The following BMPR1B variants were observed in gnomAD, a reference collection of about 807,000 sequenced individuals.
BMPR1B encodes the protein bone morphogenetic protein receptor type-1B.
A neutral mutation model predicts 59.1 loss-of-function variants in BMPR1B; 12 were observed. That is an observed-to-expected ratio of 0.20 (90% confidence interval 0.13 to 0.33). The LOEUF (loss-of-function observed/expected upper bound fraction) is 0.33, where lower values mean the gene tolerates loss of function less well. Among genes scored for constraint, BMPR1B ranks in the 10% least tolerant of loss-of-function variants. The pLI, the probability that BMPR1B is intolerant of heterozygous loss-of-function variation, is 1.00. For synonymous variants in BMPR1B, 237 were observed against 207.3 expected (o/e 1.14, Z -1.23); for missense variants, 550 against 610.9 (o/e 0.90, Z 1.05).
At chr4:94,834,816 T>G (rs28604506) in intron 1 of BMPR1B, among the ~76,000 whole-genome samples, 18,354 of 152,144 alleles carry the variant, frequency 0.12, 1,156 homozygotes, top group Non-Finnish European at 0.13. Context: ...CAGTGCCTAC[T>G]TTAGGTATTT....
chr4:94,878,014 G>C (rs1241176676), intron 2 of BMPR1B, among the ~76,000 whole-genome samples: 1 of 151,726 alleles, frequency 6.6e-6, no homozygotes, highest in Non-Finnish European at 1.5e-5. Flanking sequence ...ATTGATGAAT[G>C]GTCTTATAAA....
rs1735406218 is a variant in BMPR1B at position 95,156,156 on chromosome 4, G to A, written c.*1483G>A. On this transcript the variant is annotated 3_prime_UTR_variant, in exon 13 of 13. Transcript: ENST00000515059. The stretch of plus-strand genomic sequence containing the variant: ...TTGGAGCAACATGAATAAAATCATC[G>A]AGAAGGCCAATATTGTTTAGCAACA... The A allele has an allele frequency of 6.6e-6, 1 of 151,968 alleles. No homozygotes were observed. Among genetic ancestry groups the A allele is most frequent in the South Asian group, 2.1e-4 (1 of 4,820 alleles). The allele number at this position is 151,968 out of a possible 1,614,324, so 9.4% of individuals were successfully genotyped here.
intron 2 of BMPR1B, among the ~76,000 whole-genome samples, chr4:94,928,442 T>TA (rs1163973501): frequency 6.6e-6 from 1 of 152,112 alleles, no homozygotes; most frequent in African/African-American, 2.4e-5. Context: ...GCAGATCAGT[T>TA]ACATTTTCAT....
At chr4:94,913,893 A>C (rs1728381530) in intron 2 of BMPR1B, among the ~76,000 whole-genome samples, 1 of 152,188 alleles carries the variant, frequency 6.6e-6, no homozygotes, top group Admixed American at 6.5e-5. Flanking sequence ...GAACTGAATT[A>C]TTATTTAATT....
At chr4:94,795,984 A>AG (rs1467255629) in intron 1 of BMPR1B, among the ~76,000 whole-genome samples, 3 of 136,990 alleles carry the variant, frequency 2.2e-5, no homozygotes, top group Non-Finnish European at 4.7e-5. Context: ...TTTTTTTTTG[A>AG]GATGGAGTCT....
chr4:94,984,721 A>G (rs1222403162), intron 2 of BMPR1B, among the ~76,000 whole-genome samples: 1 of 152,160 alleles, frequency 6.6e-6, no homozygotes, highest in Non-Finnish European at 1.5e-5. Context: ...AGGTTCCCAA[A>G]GTCCTTGTGA....
chr4:94,839,874 G>A (rs1186904427), intron 1 of BMPR1B, among the ~76,000 whole-genome samples: 2 of 151,250 alleles, frequency 1.3e-5, no homozygotes, highest in Non-Finnish European at 3.0e-5. Flanking sequence ...TTTACATTTT[G>A]GCATGATTTT....
At chr4:94,954,350 AGACT>A (rs1730062259) in intron 2 of BMPR1B, among the ~76,000 whole-genome samples, 1 of 152,208 alleles carries the variant, frequency 6.6e-6, no homozygotes, top group African/African-American at 2.4e-5. Context: ...GAAAAGAGTG[AGACT>A]GACTGCATTT....
At chr4:95,112,900 C>T (rs560236471) in intron 4 of BMPR1B, among the ~76,000 whole-genome samples, 82 of 152,070 alleles carry the variant, frequency 5.4e-4, no homozygotes, top group African/African-American at 1.9e-3. Context: ...TAAGAAGAAC[C>T]CATGATAAGG....
intron 3 of BMPR1B, among the ~76,000 whole-genome samples, chr4:95,000,379 TG>T (rs1014965086): frequency 1.8e-4 from 27 of 152,030 alleles, no homozygotes; most frequent in African/African-American, 6.5e-4. Context: ...AACTATCCTG[TG>T]TTAAAAAATA....
intron 3 of BMPR1B, among the ~76,000 whole-genome samples, chr4:95,053,510 A>G (rs1485630069): frequency 2.0e-5 from 3 of 152,122 alleles, no homozygotes; most frequent in Admixed American, 1.3e-4. Flanking sequence ...TATATTTACT[A>G]TCAATTTGAC....
intron 10 of BMPR1B, among the ~76,000 whole-genome samples, chr4:95,133,498 C>T (rs1311870137): frequency 6.6e-6 from 1 of 152,178 alleles, no homozygotes; most frequent in African/African-American, 2.4e-5. Context: ...TTTATCATTA[C>T]CCGAACACCC....
chr4:95,142,346 G>A (rs188815122), intron 10 of BMPR1B, among the ~76,000 whole-genome samples: 3 of 152,212 alleles, frequency 2.0e-5, no homozygotes, highest in Admixed American at 2.0e-4. Context: ...GCTGAGAGAG[G>A]ATTTAACATC....
intron 1 of BMPR1B, among the ~76,000 whole-genome samples, chr4:94,799,397 G>A (rs919764630): frequency 6.6e-6 from 1 of 150,838 alleles, no homozygotes; most frequent in East Asian, 2.0e-4. Flanking sequence ...TCCGCCTCCC[G>A]GGTTCAAGTG....
At chr4:94,962,283 G>A (rs540332844) in intron 2 of BMPR1B, among the ~76,000 whole-genome samples, 15 of 152,000 alleles carry the variant, frequency 9.9e-5, no homozygotes, top group South Asian at 4.2e-4. Flanking sequence ...GACTACAGGC[G>A]TGTGCCACCA....
chr4:94,781,913 C>T (rs542879603), intron 1 of BMPR1B, among the ~76,000 whole-genome samples: 1 of 152,068 alleles, frequency 6.6e-6, no homozygotes, highest in Admixed American at 6.5e-5. Flanking sequence ...TATTTATATG[C>T]TCTCAAAATA....
At chr4:94,786,753 C>T (rs1481658969) in intron 1 of BMPR1B, among the ~76,000 whole-genome samples, 5 of 152,032 alleles carry the variant, frequency 3.3e-5, no homozygotes, top group African/African-American at 4.8e-5. Context: ...ACCGTGTTAG[C>T]CAGGATAGTC....
chr4:95,067,596 A>G (rs1269349521), intron 3 of BMPR1B, among the ~76,000 whole-genome samples: 4 of 152,222 alleles, frequency 2.6e-5, no homozygotes, highest in African/African-American at 9.6e-5. Flanking sequence ...TTAACAAAAT[A>G]TGTCATTTAG....
At chr4:94,976,218 G>A (rs6846665) in intron 2 of BMPR1B, among the ~76,000 whole-genome samples, 145,526 of 152,258 alleles carry the variant, frequency 0.96, 69,581 homozygotes, top group Middle Eastern at 0.99. Context: ...CAGACTGCTA[G>A]TATATATGGC....
Sources: gnomAD v4.1 joint callset for allele counts (sites outside exome capture counted in the v4.1 genomes callset) on GRCh38, gnomAD v4.1.1 for gene constraint, MANE v1.5 for transcripts, NCBI Gene and HGNC (gene_info 2026-07-23, HGNC 2026-07-21) for gene names.